FREM3: variants seen among roughly 807,000 people sequenced by gnomAD.
The protein encoded by FREM3 is FRAS1-related extracellular matrix protein 3.
In FREM3, 105 loss-of-function variants were observed where a neutral mutation model predicts 129.1. The ratio of observed to expected loss-of-function variants is 0.81; its 90% CI spans 0.69 to 0.96. The LOEUF is 0.96. FREM3 is among the 40% of genes least tolerant of loss of function. The pLI is 0.00. For missense variants in FREM3, 2,593 were observed against 2,666.3 expected, an observed-to-expected ratio of 0.97 and a Z score of 0.61; for synonymous variants, 1,014 against 1,044.9, an observed-to-expected ratio of 0.97 and a Z score of 0.57.
intron 2 of FREM3, among the ~76,000 whole-genome samples, chr4:143,658,847 G>A (rs1474468978): frequency 1.3e-5 from 2 of 152,068 alleles, no homozygotes; most frequent in African/African-American, 4.8e-5. Context: ...TCTGGAGCAT[G>A]CTCACTACTT....
At chr4:143,604,153 T>G (rs1434302936) in intron 6 of FREM3, among the ~76,000 whole-genome samples, 2 of 152,140 alleles carry the variant, frequency 1.3e-5, no homozygotes, top group East Asian at 3.9e-4. Context: ...TCTTGCCATG[T>G]GATCTGCACA....
intron 6 of FREM3, among the ~76,000 whole-genome samples, chr4:143,608,760 G>A (rs1402640573): frequency 6.6e-6 from 1 of 152,120 alleles, no homozygotes; most frequent in African/African-American, 2.4e-5. Flanking sequence ...ATGTCTTCTG[G>A]CACTTATGTT....
intron 2 of FREM3, among the ~76,000 whole-genome samples, chr4:143,668,675 A>C (rs1014167402): frequency 6.6e-6 from 1 of 152,174 alleles, no homozygotes; most frequent in Non-Finnish European, 1.5e-5. Context: ...ATGTTTTACT[A>C]TATGGTCTTC....
chr4:143,649,979 TG>T (rs1396904003), intron 2 of FREM3, among the ~76,000 whole-genome samples: 1 of 152,220 alleles, frequency 6.6e-6, no homozygotes, highest in Non-Finnish European at 1.5e-5. Flanking sequence ...GGAATTTAGC[TG>T]GGGAGCATTC....
chr4:143,618,932 A>G (rs1297197601), intron 5 of FREM3, among the ~76,000 whole-genome samples: 1 of 152,068 alleles, frequency 6.6e-6, no homozygotes, highest in Non-Finnish European at 1.5e-5. Context: ...ACCAACAACA[A>G]AAAACTCCCA....
intron 2 of FREM3, among the ~76,000 whole-genome samples, chr4:143,634,212 G>C (rs1739195224): frequency 6.6e-6 from 1 of 152,156 alleles, no homozygotes; most frequent in Non-Finnish European, 1.5e-5. Context: ...TGGGACAAAG[G>C]TTTGGGGACA....
chr4:143,624,078 T>A, intron 4 of FREM3, 30 bp downstream of exon 4: 1 of 1,313,690 alleles, frequency 7.6e-7, no homozygotes, highest in Non-Finnish European at 1.1e-6. Flanking sequence ...CTGTACTGGT[T>A]AATAAAGCAA....
At chr4:143,590,127 G>T (rs1371965280) in intron 6 of FREM3, among the ~76,000 whole-genome samples, 1 of 152,074 alleles carries the variant, frequency 6.6e-6, no homozygotes, top group Non-Finnish European at 1.5e-5. Flanking sequence ...TCAGCTTAAG[G>T]AGATTTTGGG....
intron 2 of FREM3, among the ~76,000 whole-genome samples, chr4:143,639,434 G>A (rs1051309493): frequency 4.6e-5 from 7 of 152,106 alleles, no homozygotes; most frequent in Admixed American, 1.3e-4. Flanking sequence ...GCAGGGCATC[G>A]TTTCCCCATC....
intron 6 of FREM3, among the ~76,000 whole-genome samples, chr4:143,606,697 T>C (rs1738673187): frequency 6.6e-6 from 1 of 152,108 alleles, no homozygotes; most frequent in South Asian, 2.1e-4. Flanking sequence ...GACAAACCAC[T>C]TAGTACATTT....
At chr4:143,676,399 A>G (rs1248343323) in intron 2 of FREM3, among the ~76,000 whole-genome samples, 1 of 152,238 alleles carries the variant, frequency 6.6e-6, no homozygotes, top group Non-Finnish European at 1.5e-5. Context: ...TCTCAAAATA[A>G]TAAGAGCTAT....
chr4:143,673,522 T>TA (rs1740043938), intron 2 of FREM3, among the ~76,000 whole-genome samples: 1 of 152,202 alleles, frequency 6.6e-6, no homozygotes, highest in East Asian at 1.9e-4. Flanking sequence ...GCCTCCCAGA[T>TA]AGGCTATTCG....
At chr4:143,653,652 G>A (rs1739549129) in intron 2 of FREM3, among the ~76,000 whole-genome samples, 2 of 152,198 alleles carry the variant, frequency 1.3e-5, no homozygotes, top group Admixed American at 6.5e-5. Context: ...AGGACGAGAG[G>A]TTATACAAGA....
At chr4:143,631,897 A>C (rs1160611642) in intron 2 of FREM3, among the ~76,000 whole-genome samples, 1 of 152,146 alleles carries the variant, frequency 6.6e-6, no homozygotes, top group Non-Finnish European at 1.5e-5. Flanking sequence ...CTTCAGAATG[A>C]ATTCAGGAAG....
Position 143,624,332 on chromosome 4 carries a change from C to A in FREM3, c.5429G>T (p.Gly1810Val), listed in dbSNP as rs758077745. 9 of 1,526,128 alleles carry A rather than the reference C, an allele frequency of 5.9e-6. No homozygotes were observed. In the South Asian group the frequency reaches 1.1e-4, roughly 18 times the overall value. The allele number at this position is 1,526,128 out of a possible 1,614,324, so 94.5% of individuals were successfully genotyped here. Residue 1810 changes from glycine (G) to valine (V), a missense_variant, in exon 4 of 8, where the codon GGT (glycine) becomes GTT (valine). Physicochemically the swap from Gly to Val is moderately radical, Grantham distance 109. Around this residue, in one of 2 missense-constraint regions of FREM3, gnomAD observed 2,276 missense variants for 2,267.2 expected, o/e 1.00. Transcript: ENST00000329798. ...TTTTTTTGCAGTTTCATCTTTGGTA[C>A]CAATGCCTGAATAAAAATCAGAAAA... ...YLGETSFISIGTKDETAKKDK... is the reference protein window; with the variant it reads ...YLGETSFISIVTKDETAKKDK...
At chr4:143,654,100 TA>T (rs869064459) in intron 2 of FREM3, among the ~76,000 whole-genome samples, 2 of 152,168 alleles carry the variant, frequency 1.3e-5, no homozygotes, top group East Asian at 1.9e-4. Context: ...TTTTTTTAAT[TA>T]AAAAAATTTT....
chr4:143,627,489 CT>C (rs1560849912), intron 3 of FREM3, 124 bp downstream of exon 3: 2 of 867,458 alleles, frequency 2.3e-6, no homozygotes, highest in South Asian at 3.4e-5. Flanking sequence ...TTCACAGACA[CT>C]TTTTTAGAGA....
intron 6 of FREM3, among the ~76,000 whole-genome samples, chr4:143,588,249 T>C (rs184204691): frequency 5.9e-5 from 9 of 152,160 alleles, no homozygotes; most frequent in South Asian, 2.1e-4. Context: ...GTGTTTTTTT[T>C]ATTATTATTA....
chr4:143,581,137 G>T (rs1162909398), intron 7 of FREM3, among the ~76,000 whole-genome samples: 1 of 152,168 alleles, frequency 6.6e-6, no homozygotes, highest in African/African-American at 2.4e-5. Context: ...ATAGAAAACT[G>T]CCCAGACTGT....
Sources: allele counts gnomAD v4.1 joint callset (sites outside exome capture counted in the v4.1 genomes callset), GRCh38; gene constraint gnomAD v4.1.1; regional missense constraint gnomAD v4.1.1; transcripts MANE v1.5; gene names NCBI Gene and HGNC (gene_info 2026-07-23, HGNC 2026-07-21).